Variants in INSC observed in about 807,000 individuals in gnomAD.
INSC encodes INSC spindle orientation adaptor protein, also known as protein inscuteable homolog.
In INSC, 67 loss-of-function variants were observed where a neutral mutation model predicts 58.6. The observed-to-expected ratio is 1.14, with a 90% CI of 0.94 to 1.40. The LOEUF is 1.40. Among genes scored for constraint, INSC ranks in the 40% most tolerant of loss-of-function variants. The pLI is 0.00. For synonymous variants in INSC, 262 were observed against 276.1 expected, an observed-to-expected ratio of 0.95 and a Z score of 0.51; for missense variants, 714 against 692.0, an observed-to-expected ratio of 1.03 and a Z score of -0.36.
rs1491089037 is a variant in INSC, at chr11:15,229,960, T to TATTATATATATATATATATTATATA, written c.1170+4132_1170+4133insATTATATATATATATATATTATATA. Among the ~76,000 whole-genome samples, 4 of 25,096 alleles carry TATTATATATATATATATATTATATA rather than the reference T, an allele frequency of 1.6e-4. No homozygotes were observed. The East Asian group carries it at 5.5e-3, about 35-fold the overall frequency. 16.5% of individuals were successfully genotyped at this position (25,096 alleles called of 152,430 possible). On this transcript the variant is annotated intron_variant, in intron 9 of 12. Transcript: ENST00000379556. ...TATATATATAATATTATATATATATTTATATATATATATATATATTATATA... is the reference window on the plus strand; with the variant it reads ...TATATATATAATATTATATATATATTATTATATATATATATATATTATATATATATATATATATATATATTATATA...
chr11:15,151,971 T>A (rs1040873163), intron 2 of INSC, among the ~76,000 whole-genome samples: 1 of 152,218 alleles, frequency 6.6e-6, no homozygotes, highest in Non-Finnish European at 1.5e-5. Flanking sequence ...GGCAGGCCTT[T>A]GCAAACCCCC....
At chr11:15,154,848 G>A (rs1240545937) in intron 2 of INSC, among the ~76,000 whole-genome samples, 2 of 152,102 alleles carry the variant, frequency 1.3e-5, no homozygotes, top group African/African-American at 4.8e-5. Context: ...CACAGGGATA[G>A]GAAAGCAAAC....
intron 2 of INSC, among the ~76,000 whole-genome samples, chr11:15,162,454 A>G (rs777459512): frequency 4.6e-5 from 7 of 152,214 alleles, no homozygotes; most frequent in African/African-American, 9.7e-5. Flanking sequence ...TGCTCTGACC[A>G]CTTATTTAAA....
chr11:15,149,211 G>A lies in INSC; in HGVS notation c.37G>A (p.Val13Ile), dbSNP rs746449135. The A allele has an allele frequency of 1.1e-5, 17 of 1,608,228 alleles. No individual in the cohort carries two copies. Among genetic ancestry groups the A allele is most frequent in the East Asian group, 2.3e-5 (1 of 44,304 alleles). Residue 13 changes from valine to isoleucine, a missense_variant, in exon 2 of 13, where the codon GTC becomes ATC. Physicochemically the swap from Val to Ile is conservative, Grantham distance 29. Coordinates refer to ENST00000379556, the MANE Select transcript of INSC (RefSeq NM_001042536.3). Reference sequence around the variant, plus strand: ...GCCTGGAGGTCGCCACCTGGACTCCGTCACCCTGCCGGGTCAGCGGTAAGT... The same window carrying A: ...GCCTGGAGGTCGCCACCTGGACTCCATCACCCTGCCGGGTCAGCGGTAAGT... ...ALPGGRHLDS[V>I]TLPGQRLHLM... is the part of the protein sequence containing the mutation.
rs542238129 is a variant in INSC at position 15,158,254 on chromosome 11, T to C, written c.56+9024T>C. Among the ~76,000 whole-genome samples the C allele has an allele frequency of 1.6e-4, 25 of 151,802 alleles. No homozygotes were observed. The South Asian group carries it at 5.2e-3, about 32-fold the overall frequency. ...AAATGCTTTTCGTGGCTCCAAGTTG[T>C]CTTTGGGATTAAATCTACATCCCTG... On this transcript the variant is annotated intron_variant, in intron 2 of 12. Transcript: ENST00000379556.
intron 1 of INSC, 28 bp from the exon 2 acceptor site, chr11:15,149,102 G>A (rs376298056): frequency 1.0e-5 from 16 of 1,557,892 alleles, no homozygotes; most frequent in Admixed American, 1.9e-5. Flanking sequence ...TTAGGATCTC[G>A]TTGTGCCATC....
At chr11:15,200,293 GTAC>G (rs1850532311) in intron 6 of INSC, among the ~76,000 whole-genome samples, 1 of 152,096 alleles carries the variant, frequency 6.6e-6, no homozygotes, top group Non-Finnish European at 1.5e-5. Context: ...GGAAATGGTA[GTAC>G]TAATATAAAT....
At chr11:15,233,232 G>A (rs1851991485) in intron 9 of INSC, among the ~76,000 whole-genome samples, 1 of 152,188 alleles carries the variant, frequency 6.6e-6, no homozygotes, top group African/African-American at 2.4e-5. Context: ...CTTTCACTTA[G>A]GTGGAATAGA....
downstream of INSC, among the ~76,000 whole-genome samples, chr11:15,248,876 CT>C (rs1331417410): frequency 6.6e-6 from 1 of 152,116 alleles, no homozygotes; most frequent in Non-Finnish European, 1.5e-5. Flanking sequence ...GTTAAGGAAG[CT>C]ATTGAGGGAT....
intron 9 of INSC, among the ~76,000 whole-genome samples, chr11:15,234,106 C>G (rs911403631): frequency 6.6e-6 from 1 of 152,218 alleles, no homozygotes; most frequent in African/African-American, 2.4e-5. Context: ...CAAATAGGAG[C>G]TAGTCACCCC....
intron 7 of INSC, among the ~76,000 whole-genome samples, chr11:15,203,575 C>T (rs530808077): frequency 7.9e-5 from 12 of 152,294 alleles, no homozygotes; most frequent in East Asian, 3.9e-4. Context: ...AAAATACTGA[C>T]GTCCAGAGAG....
At chr11:15,195,746 G>C (rs111914858) in intron 6 of INSC, among the ~76,000 whole-genome samples, 70 of 152,308 alleles carry the variant, frequency 4.6e-4, no homozygotes, top group Non-Finnish European at 8.5e-4. Context: ...CCTGGGTTGG[G>C]ACAAGAGGGC....
intron 6 of INSC, among the ~76,000 whole-genome samples, chr11:15,193,197 A>G (rs1203602868): frequency 6.6e-6 from 1 of 152,258 alleles, no homozygotes; most frequent in South Asian, 2.1e-4. Flanking sequence ...TAAGTAAAAG[A>G]TTATAGAATT....
chr11:15,153,079 G>T (rs2133760014), intron 2 of INSC, among the ~76,000 whole-genome samples: 1 of 152,284 alleles, frequency 6.6e-6, no homozygotes, highest in Non-Finnish European at 1.5e-5. Flanking sequence ...ATGGAGTGCG[G>T]GCCATCTGCC....
upstream of INSC, chr11:15,114,893 G>C (rs988700032): frequency 2.0e-6 from 2 of 979,812 alleles, no homozygotes; most frequent in African/African-American, 3.5e-5. Context: ...GGCCAGGGGC[G>C]GCCTCTCGGG....
At position 15,134,363 on chromosome 11, in the gene INSC, T is replaced by C. The variant is rs146994813; in HGVS notation, c.-45-14767T>C. 1.1e-4 allele frequency among the ~76,000 whole-genome samples: 17 copies of C among 152,290 alleles called. No individual in the cohort carries two copies. In the East Asian group the frequency reaches 3.3e-3, roughly 29 times the overall value. On this transcript the variant is annotated intron_variant, in intron 1 of 12. Transcript: ENST00000379556. ...GTTAAAATATGAAAAAAAGATATCT[T>C]AGAATGACCTGACTATAGTAAATTT... is the stretch of plus-strand genomic sequence containing the variant.
chr11:15,174,290 C>T (rs538975094), intron 2 of INSC, among the ~76,000 whole-genome samples: 1 of 152,292 alleles, frequency 6.6e-6, no homozygotes, highest in East Asian at 1.9e-4. Flanking sequence ...CAATGAGTCT[C>T]CTCTGATCCT....
chr11:15,149,299 G>C, intron 2 of INSC, 69 bp downstream of exon 2: 2 of 1,371,768 alleles, frequency 1.5e-6, no homozygotes, highest in Non-Finnish European at 1.9e-6. Context: ...CCCAGTTCCA[G>C]CATCCTGAGG....
intron 2 of INSC, among the ~76,000 whole-genome samples, chr11:15,172,789 C>T (rs918523222): frequency 2.6e-5 from 4 of 151,806 alleles, no homozygotes; most frequent in African/African-American, 7.2e-5. Context: ...GTGGCAGGGG[C>T]GCTAGGAGTT....
Sources: allele counts gnomAD v4.1 joint callset (sites outside exome capture counted in the v4.1 genomes callset), GRCh38; gene constraint gnomAD v4.1.1; transcripts MANE v1.5; gene names NCBI Gene and HGNC (gene_info 2026-07-23, HGNC 2026-07-21).